PTPRM: variants seen among roughly 807,000 people sequenced by gnomAD.
The protein encoded by PTPRM is protein tyrosine phosphatase receptor type M.
A neutral mutation model predicts 186.7 loss-of-function variants in PTPRM; 47 were observed. That is an observed-to-expected ratio of 0.25 (90% confidence interval 0.20 to 0.32). The LOEUF (loss-of-function observed/expected upper bound fraction) is 0.32, where lower values mean the gene tolerates loss of function less well. Ranked by LOEUF, PTPRM falls within the 10% of genes least tolerant of loss-of-function variation. The pLI, the probability that PTPRM is intolerant of heterozygous loss-of-function variation, is 1.00. For missense variants in PTPRM, 1,494 were observed against 1,865.0 expected, an observed-to-expected ratio of 0.80 and a Z score of 3.66; for synonymous variants, 668 against 674.9, an observed-to-expected ratio of 0.99 and a Z score of 0.16.
At position 8,049,939 on chromosome 18, in the gene PTPRM, C is replaced by G. The variant is rs9947259; in HGVS notation, c.1133-19747C>G. Among the ~76,000 whole-genome samples, 1,371 of 152,106 alleles carry G rather than the reference C, an allele frequency of 9.0e-3. 22 individuals carry two copies. The highest frequency in any genetic ancestry group is 0.03 in the African/African-American group (1,262 of 41,492). On this transcript the variant is annotated intron_variant, in intron 7 of 32. Coordinates refer to ENST00000580170, the MANE Select transcript of PTPRM (RefSeq NM_001105244.2). Reference sequence around the variant, plus strand: ...TGTTGGCCAGACTGGTCTCAAACTCCTGACCTTGTGATCCACCCACCTCGG... The same window carrying G: ...TGTTGGCCAGACTGGTCTCAAACTCGTGACCTTGTGATCCACCCACCTCGG...
chr18:8,138,114 G>A (rs1037069668), intron 13 of PTPRM, among the ~76,000 whole-genome samples: 1 of 152,120 alleles, frequency 6.6e-6, no homozygotes, highest in African/African-American at 2.4e-5. Context: ...TAGAGGGAAC[G>A]TCAAGTGTCA....
intron 14 of PTPRM, among the ~76,000 whole-genome samples, chr18:8,198,336 A>G (rs1004048558): frequency 6.6e-6 from 1 of 152,008 alleles, no homozygotes; most frequent in Non-Finnish European, 1.5e-5. Context: ...TTTTGTAGAG[A>G]CAGGGTTTTG....
At chr18:7,945,297 CAAA>C (rs149613547) in intron 5 of PTPRM, among the ~76,000 whole-genome samples, 100 of 135,828 alleles carry the variant, frequency 7.4e-4, no homozygotes, top group African/African-American at 1.5e-3. Context: ...ACTAAAAATA[CAAA>C]AAAAAAAAAA....
intron 19 of PTPRM, among the ~76,000 whole-genome samples, chr18:8,285,859 G>T (rs1026563484): frequency 6.6e-6 from 1 of 152,222 alleles, no homozygotes; most frequent in Non-Finnish European, 1.5e-5. Flanking sequence ...GGGCATGGTT[G>T]TGTGTACCTG....
At chr18:8,093,391 T>G (rs889475017) in intron 11 of PTPRM, among the ~76,000 whole-genome samples, 4 of 152,210 alleles carry the variant, frequency 2.6e-5, no homozygotes, top group African/African-American at 9.7e-5. Context: ...ATTACACGTT[T>G]CTATTCATAA....
intron 2 of PTPRM, among the ~76,000 whole-genome samples, chr18:7,794,214 A>G (rs1001347216): frequency 1.3e-5 from 2 of 152,188 alleles, no homozygotes; most frequent in South Asian, 4.1e-4. Context: ...GTGATAGGGC[A>G]GGGGGTCTAA....
intron 13 of PTPRM, among the ~76,000 whole-genome samples, chr18:8,141,206 G>A (rs918429169): frequency 4.6e-5 from 7 of 152,124 alleles, no homozygotes; most frequent in South Asian, 2.1e-4. Flanking sequence ...CAGGTTATCC[G>A]AGGGCTGTTT....
chr18:8,392,429 C>T (rs1463410093), intron 31 of PTPRM, among the ~76,000 whole-genome samples: 1 of 152,058 alleles, frequency 6.6e-6, no homozygotes, highest in African/African-American at 2.4e-5. Flanking sequence ...TTGAGACTAT[C>T]CTGGCTAACA....
chr18:8,338,038 A>T (rs1388944332), intron 22 of PTPRM, among the ~76,000 whole-genome samples: 2 of 152,116 alleles, frequency 1.3e-5, no homozygotes, highest in Non-Finnish European at 2.9e-5. Context: ...GTATTCATCC[A>T]CTTGGTAAAT....
intron 2 of PTPRM, among the ~76,000 whole-genome samples, chr18:7,853,683 A>AC (rs1195828876): frequency 2.0e-5 from 3 of 152,082 alleles, no homozygotes; most frequent in Non-Finnish European, 4.4e-5. Context: ...GTAGAGACAT[A>AC]CTTGTGCCTT....
chr18:7,865,892 T>A (rs1293082977), intron 2 of PTPRM, among the ~76,000 whole-genome samples: 1 of 152,200 alleles, frequency 6.6e-6, no homozygotes, highest in Non-Finnish European at 1.5e-5. Flanking sequence ...GGGATTTGAC[T>A]TCTTCGTGGT....
chr18:7,692,867 G>C (rs1339097630), intron 1 of PTPRM, among the ~76,000 whole-genome samples: 1 of 152,224 alleles, frequency 6.6e-6, no homozygotes, highest in Non-Finnish European at 1.5e-5. Context: ...ATTTGGGTGA[G>C]AGATGGTACA....
At chr18:7,880,769 G>A (rs2048466383) in intron 2 of PTPRM, among the ~76,000 whole-genome samples, 1 of 152,154 alleles carries the variant, frequency 6.6e-6, no homozygotes, top group African/African-American at 2.4e-5. Flanking sequence ...TGTCAGTACT[G>A]ACTGAGGGAG....
At chr18:7,644,990 T>C (rs2038528932) in intron 1 of PTPRM, among the ~76,000 whole-genome samples, 1 of 152,222 alleles carries the variant, frequency 6.6e-6, no homozygotes, top group South Asian at 2.1e-4. Flanking sequence ...GTATTCAATA[T>C]ATGTTTGCTT....
chr18:7,580,494 G>A (rs2036814723), intron 1 of PTPRM, among the ~76,000 whole-genome samples: 1 of 152,214 alleles, frequency 6.6e-6, no homozygotes, highest in Non-Finnish European at 1.5e-5. Context: ...AGGCTCTTCA[G>A]CAACTAGACT....
At chr18:7,615,513 C>T (rs947067363) in intron 1 of PTPRM, among the ~76,000 whole-genome samples, 5 of 152,126 alleles carry the variant, frequency 3.3e-5, no homozygotes, top group Non-Finnish European at 7.4e-5. Flanking sequence ...AGCCTAGTCT[C>T]TGAGGAGCCA....
rs8095672 is a variant in PTPRM at position 7,713,745 on chromosome 18, C to T, written c.74-60404C>T. Among the ~76,000 whole-genome samples the T allele has an allele frequency of 9.8e-3, 1,406 of 143,518 alleles. 32 individuals are homozygous for T. The highest frequency in any genetic ancestry group is 0.034 in the African/African-American group (1,342 of 39,074). 94.2% of individuals were successfully genotyped at this position (143,518 alleles called of 152,430 possible). A position where few individuals can be genotyped will look rare whatever the true frequency, so the allele number is the denominator to read the frequency against. ...GTCGCAATCCTGGTTTCTGATAAAA[C>T]AGACTTTAAACCAACAAAGATCAAA... On this transcript the variant is annotated intron_variant, in intron 1 of 32. Transcript: ENST00000580170.
At chr18:8,276,399 A>G (rs2094835864) in intron 19 of PTPRM, among the ~76,000 whole-genome samples, 1 of 152,198 alleles carries the variant, frequency 6.6e-6, no homozygotes, top group Admixed American at 6.5e-5. Context: ...AGGTCAACGC[A>G]GACCAGTAAT....
At chr18:8,098,326 A>G (rs2091111934) in intron 11 of PTPRM, among the ~76,000 whole-genome samples, 1 of 152,204 alleles carries the variant, frequency 6.6e-6, no homozygotes, top group African/African-American at 2.4e-5. Flanking sequence ...GATTTTAATA[A>G]TTTAGTTTTT....
Sources: gnomAD v4.1 joint callset for allele counts (sites outside exome capture counted in the v4.1 genomes callset) on GRCh38, gnomAD v4.1.1 for gene constraint, MANE v1.5 for transcripts, NCBI Gene and HGNC (gene_info 2026-07-23, HGNC 2026-07-21) for gene names.